The following PHLDB2 variants were observed in gnomAD, a reference collection of about 807,000 sequenced individuals.
The protein encoded by PHLDB2 is pleckstrin homology-like domain family B member 2.
Under a neutral mutation model 123.6 loss-of-function variants are expected in PHLDB2, and 71 were observed. The ratio of observed to expected loss-of-function variants is 0.57; its 90% CI spans 0.47 to 0.70. The LOEUF (loss-of-function observed/expected upper bound fraction) is 0.70. PHLDB2 is among the 30% of genes least tolerant of loss of function. The pLI is 0.00. For missense variants in PHLDB2, 1,446 were observed against 1,519.5 expected (o/e 0.95, Z 0.80); for synonymous variants, 547 against 541.6 (o/e 1.01, Z -0.14).
intron 16 of PHLDB2, among the ~76,000 whole-genome samples, chr3:111,970,384 GT>G (rs1269968356): frequency 1.3e-5 from 2 of 152,142 alleles, no homozygotes; most frequent in Non-Finnish European, 2.9e-5. Context: ...AAAAAAGGGG[GT>G]GGGGAGAGGT....
intron 8 of PHLDB2, among the ~76,000 whole-genome samples, chr3:111,941,179 G>A (rs537265952): frequency 6.6e-6 from 1 of 152,280 alleles, no homozygotes; most frequent in African/African-American, 2.4e-5. Context: ...TCACCAAAGA[G>A]ACTATGTCCT....
In PHLDB2 at chr3:111,953,435, T is replaced by C. The variant is rs1027571921; in HGVS notation, c.2773-495T>C. 7.2e-5 allele frequency among the ~76,000 whole-genome samples: 11 copies of C among 152,200 alleles called. 1 individual carries two copies. The highest frequency in any genetic ancestry group is 7.2e-4 in the Admixed American group (11 of 15,278). ...TTTATAAATTTGTGTTTCAAGTACA[T>C]TTTATCTACATGAAGGATTTTGCTA... On this transcript the variant is annotated intron_variant, in intron 11 of 17. Transcript: ENST00000431670.
intron 2 of PHLDB2, among the ~76,000 whole-genome samples, chr3:111,853,653 A>G (rs1182785023): frequency 6.6e-6 from 1 of 152,146 alleles, no homozygotes; most frequent in Non-Finnish European, 1.5e-5. Flanking sequence ...AGGTGGGTGG[A>G]TCAACTGAGG....
intron 1 of PHLDB2, among the ~76,000 whole-genome samples, chr3:111,758,509 C>T (rs1360967439): frequency 6.6e-6 from 1 of 152,192 alleles, no homozygotes; most frequent in Non-Finnish European, 1.5e-5. Context: ...CCATCTGTCA[C>T]CCCTTTCTTT....
chr3:111,826,008 A>ATAT (rs2062637019), intron 1 of PHLDB2, among the ~76,000 whole-genome samples: 1 of 151,742 alleles, frequency 6.6e-6, no homozygotes. Flanking sequence ...ATTATTATTA[A>ATAT]TATTATTATT....
At chr3:111,777,086 G>A (rs866981789) in intron 1 of PHLDB2, among the ~76,000 whole-genome samples, 3 of 152,024 alleles carry the variant, frequency 2.0e-5, no homozygotes, top group Non-Finnish European at 4.4e-5. Context: ...GCTTTGATGA[G>A]GAGGCAGCAT....
chr3:111,974,374 G>A lies in PHLDB2; in HGVS notation c.3622-49G>A, dbSNP rs147169677. Reference sequence around the variant, plus strand: ...TCACATGTCTGTGTTATTTAATGTTGTATTTTAAGATGTTTATTTTACATT... The same window carrying A: ...TCACATGTCTGTGTTATTTAATGTTATATTTTAAGATGTTTATTTTACATT... On this transcript the variant is annotated intron_variant, in intron 17 of 17. Transcript: ENST00000431670. The A allele has an allele frequency of 1.7e-4, 249 of 1,485,228 alleles. No homozygotes were observed. The African/African-American group carries it at 3.1e-3, about 18-fold the overall frequency. 92.0% of individuals were successfully genotyped at this position (1,485,228 alleles called of 1,614,324 possible). A position where few individuals can be genotyped will look rare whatever the true frequency, so the allele number is the denominator to read the frequency against.
chr3:111,749,074 C>T (rs1229567204), intron 1 of PHLDB2, among the ~76,000 whole-genome samples: 1 of 141,904 alleles, frequency 7.0e-6, no homozygotes, highest in Non-Finnish European at 1.5e-5. Flanking sequence ...CATTGAAAAA[C>T]AAAAATCCTT....
intron 10 of PHLDB2, among the ~76,000 whole-genome samples, chr3:111,950,654 A>C (rs1005358432): frequency 3.9e-5 from 6 of 152,190 alleles, no homozygotes; most frequent in African/African-American, 1.4e-4. Flanking sequence ...TCAAATACCT[A>C]CAGGAATTTG....
intron 1 of PHLDB2, among the ~76,000 whole-genome samples, chr3:111,771,078 G>A (rs4616612): frequency 6.4e-4 from 98 of 152,356 alleles, no homozygotes; most frequent in Admixed American, 2.0e-3. Context: ...TTCCAGTGCA[G>A]ATGAAACTGT....
intron 1 of PHLDB2, among the ~76,000 whole-genome samples, chr3:111,771,329 A>G (rs560060622): frequency 6.9e-6 from 1 of 145,544 alleles, no homozygotes; most frequent in South Asian, 2.3e-4. Context: ...TTGTAAATGC[A>G]TCACCCCATC....
intron 2 of PHLDB2, among the ~76,000 whole-genome samples, chr3:111,910,450 G>A (rs1018725720): frequency 6.6e-6 from 1 of 152,158 alleles, no homozygotes; most frequent in Admixed American, 6.5e-5. Flanking sequence ...AAATCTCAGA[G>A]GGCAGCCAGC....
chr3:111,890,957 T>C (rs995329675), intron 2 of PHLDB2, among the ~76,000 whole-genome samples: 10 of 152,208 alleles, frequency 6.6e-5, no homozygotes, highest in African/African-American at 2.2e-4. Context: ...AAGCCTTGAT[T>C]TGAAATGTTC....
At chr3:111,739,124 T>A (rs145659542) in intron 1 of PHLDB2, among the ~76,000 whole-genome samples, 1 of 152,206 alleles carries the variant, frequency 6.6e-6, no homozygotes. Flanking sequence ...AGAAAGTTCT[T>A]TACGGAAAAT....
intron 1 of PHLDB2, among the ~76,000 whole-genome samples, chr3:111,879,782 T>A (rs1415940750): frequency 6.6e-6 from 1 of 152,208 alleles, no homozygotes; most frequent in Non-Finnish European, 1.5e-5. Flanking sequence ...GCAAAAGCAG[T>A]CTCGAATAAT....
chr3:111,771,155 T>C (rs1047098202), intron 1 of PHLDB2, among the ~76,000 whole-genome samples: 6 of 152,346 alleles, frequency 3.9e-5, no homozygotes, highest in Non-Finnish European at 7.3e-5. Flanking sequence ...ATTTGTTTTC[T>C]AGGGCTGCCA....
chr3:111,880,146 A>G (rs544798962), intron 1 of PHLDB2, among the ~76,000 whole-genome samples: 1 of 152,144 alleles, frequency 6.6e-6, no homozygotes, highest in Admixed American at 6.5e-5. Context: ...GGCCTTTTCT[A>G]TAACAATGAT....
intron 1 of PHLDB2, among the ~76,000 whole-genome samples, chr3:111,828,424 G>A (rs1441603118): frequency 6.6e-6 from 1 of 151,892 alleles, no homozygotes; most frequent in Non-Finnish European, 1.5e-5. Flanking sequence ...CCCCTGCTCA[G>A]GTAATCTATG....
At chr3:111,795,036 G>C (rs2061095108) in intron 1 of PHLDB2, among the ~76,000 whole-genome samples, 1 of 152,156 alleles carries the variant, frequency 6.6e-6, no homozygotes, top group Non-Finnish European at 1.5e-5. Flanking sequence ...TAGCTCAGTG[G>C]TTGAGCATTT....
Sources: gnomAD v4.1 joint callset for allele counts (sites outside exome capture counted in the v4.1 genomes callset) on GRCh38, gnomAD v4.1.1 for gene constraint, MANE v1.5 for transcripts, NCBI Gene and HGNC (gene_info 2026-07-23, HGNC 2026-07-21) for gene names.